AFF3: variants seen among roughly 807,000 people sequenced by gnomAD.
The protein encoded by AFF3 is AF4/FMR2 family member 3.
Under a neutral mutation model 129.7 loss-of-function variants are expected in AFF3, and 32 were observed. The observed-to-expected ratio is 0.25, with a 90% confidence interval of 0.19 to 0.33. AFF3 has a LOEUF of 0.33. Among genes scored for constraint, AFF3 ranks in the 10% least tolerant of loss-of-function variants. The pLI is 1.00. For synonymous variants in AFF3, 644 were observed against 635.4 expected, an observed-to-expected ratio of 1.01 and a Z score of -0.20; for missense variants, 1,373 against 1,592.0, an observed-to-expected ratio of 0.86 and a Z score of 2.34.
At chr2:99,707,125 T>C (rs1199736629) in intron 11 of AFF3, 1 of 985,314 alleles carries the variant, frequency 1.0e-6, no homozygotes. Flanking sequence ...CTGGCTCCAG[T>C]TGTGGCTTAG....
At chr2:100,080,797 A>G (rs1688985670) in intron 4 of AFF3, among the ~76,000 whole-genome samples, 1 of 152,112 alleles carries the variant, frequency 6.6e-6, no homozygotes, top group Non-Finnish European at 1.5e-5. Context: ...GAAGGTGGAA[A>G]CCTAGGATGA....
chr2:99,871,956 C>T (rs1479681477), intron 7 of AFF3, among the ~76,000 whole-genome samples: 5 of 151,832 alleles, frequency 3.3e-5, no homozygotes, highest in African/African-American at 9.7e-5. Context: ...GCCTGTAATC[C>T]CAGCACTTTG....
At chr2:99,967,059 G>A (rs1373140055) in intron 7 of AFF3, among the ~76,000 whole-genome samples, 2 of 152,116 alleles carry the variant, frequency 1.3e-5, no homozygotes, top group Non-Finnish European at 2.9e-5. Context: ...ACATCACTGT[G>A]TTTCTTGGAC....
At chr2:100,050,911 C>T (rs77972567) in intron 4 of AFF3, among the ~76,000 whole-genome samples, 166 of 152,298 alleles carry the variant, frequency 1.1e-3, no homozygotes, top group Non-Finnish European at 9.7e-4. Flanking sequence ...GGAACAGTCC[C>T]GCGGAAAGAA....
intron 13 of AFF3, among the ~76,000 whole-genome samples, chr2:99,630,275 T>C (rs903422891): frequency 6.6e-6 from 1 of 152,168 alleles, no homozygotes; most frequent in African/African-American, 2.4e-5. Flanking sequence ...AACACGGAAA[T>C]GTTAAATACT....
intron 7 of AFF3, among the ~76,000 whole-genome samples, chr2:99,955,088 G>A (rs1676517214): frequency 6.6e-6 from 1 of 152,018 alleles, no homozygotes; most frequent in African/African-American, 2.4e-5. Flanking sequence ...CACAAATCCT[G>A]AAACTTTGTG....
intron 13 of AFF3, among the ~76,000 whole-genome samples, chr2:99,605,831 T>C (rs1680278394): frequency 6.6e-6 from 1 of 151,484 alleles, no homozygotes; most frequent in Non-Finnish European, 1.5e-5. Context: ...TACAGGCATG[T>C]ACCACCATAC....
At chr2:100,138,117 T>C (rs1692706615) in intron 1 of AFF3, among the ~76,000 whole-genome samples, 1 of 152,174 alleles carries the variant, frequency 6.6e-6, no homozygotes, top group Non-Finnish European at 1.5e-5. Context: ...ACATTTGTGA[T>C]TTTTTTGCTG....
chr2:100,125,244 C>A (rs749428675), intron 2 of AFF3, among the ~76,000 whole-genome samples: 1 of 152,030 alleles, frequency 6.6e-6, no homozygotes, highest in Non-Finnish European at 1.5e-5. Flanking sequence ...AAATGTCAGA[C>A]CCTGGCAATG....
chr2:99,574,724 G>C (rs192293130), intron 18 of AFF3, among the ~76,000 whole-genome samples: 1 of 152,238 alleles, frequency 6.6e-6, no homozygotes, highest in African/African-American at 2.4e-5. Flanking sequence ...TGCATGATGC[G>C]GCTTTAAAAA....
At chr2:99,621,321 T>C (rs1681982957) in intron 13 of AFF3, among the ~76,000 whole-genome samples, 1 of 152,226 alleles carries the variant, frequency 6.6e-6, no homozygotes. Flanking sequence ...GCTGAGCAAG[T>C]GACAGATTCC....
At chr2:99,924,877 AT>A (rs113424483) in intron 7 of AFF3, among the ~76,000 whole-genome samples, 16,779 of 144,188 alleles carry the variant, frequency 0.12, 1,099 homozygotes, top group Non-Finnish European at 0.15. Context: ...TGATTTATTA[AT>A]TTTTTTTTTT....
chr2:99,980,297 G>A (rs1375738475), intron 7 of AFF3, among the ~76,000 whole-genome samples: 1 of 152,168 alleles, frequency 6.6e-6, no homozygotes, highest in Admixed American at 6.5e-5. Flanking sequence ...GACACAAGAT[G>A]AGTCCTCAGA....
In AFF3 at chr2:99,551,311, A is replaced by G; in HGVS notation, c.*163T>C. The G allele has an allele frequency of 1.0e-6, 1 of 983,030 alleles. No homozygotes were observed. Among genetic ancestry groups the G allele is most frequent in the East Asian group, 2.6e-5 (1 of 38,008 alleles). The allele number at this position is 983,030 out of a possible 1,614,324, so 60.9% of individuals were successfully genotyped here. ...CACAGGCGGCTTCTTATATACCCAC[A>G]CATACAAACACACATGCCCTGCAAA... On this transcript the variant is annotated 3_prime_UTR_variant, in exon 25 of 25. Coordinates refer to ENST00000672756, the MANE Select transcript of AFF3 (RefSeq NM_001386135.1).
At chr2:99,733,355 G>C (rs1444094380) in intron 10 of AFF3, among the ~76,000 whole-genome samples, 2 of 147,032 alleles carry the variant, frequency 1.4e-5, no homozygotes, top group East Asian at 2.0e-4. Context: ...ACTCCAGCCT[G>C]GGCGACAGAG....
intron 13 of AFF3, 77 bp downstream of exon 13, chr2:99,649,549 A>T (rs1420992682): frequency 6.7e-7 from 1 of 1,488,080 alleles, no homozygotes; most frequent in Non-Finnish European, 9.3e-7. Flanking sequence ...AAATCCGATT[A>T]TGAATTATAT....
At chr2:99,918,816 C>T (rs1695659499) in intron 7 of AFF3, among the ~76,000 whole-genome samples, 1 of 152,140 alleles carries the variant, frequency 6.6e-6, no homozygotes, top group Admixed American at 6.5e-5. Flanking sequence ...GGTTGTTATA[C>T]AAATGAATAG....
intron 7 of AFF3, among the ~76,000 whole-genome samples, chr2:99,999,099 A>G (rs1305201888): frequency 1.3e-5 from 2 of 152,166 alleles, no homozygotes; most frequent in African/African-American, 4.8e-5. Context: ...ATGAAAATCA[A>G]ACAAAGGAGA....
At chr2:99,766,691 C>T (rs998093166) in intron 8 of AFF3, among the ~76,000 whole-genome samples, 5 of 152,140 alleles carry the variant, frequency 3.3e-5, no homozygotes, top group African/African-American at 1.2e-4. Context: ...AGGATGACAA[C>T]TGCTTTTATT....
Sources: gnomAD v4.1 joint callset for allele counts (sites outside exome capture counted in the v4.1 genomes callset) on GRCh38, gnomAD v4.1.1 for gene constraint, MANE v1.5 for transcripts, NCBI Gene and HGNC (gene_info 2026-07-23, HGNC 2026-07-21) for gene names.